ABCB5: variants seen among roughly 807,000 people sequenced by gnomAD.
The protein encoded by ABCB5 is ATP-binding cassette sub-family B member 5.
A neutral mutation model predicts 144.2 loss-of-function variants in ABCB5; 155 were observed. That is an observed-to-expected ratio of 1.08 (90% CI 0.94 to 1.23). The LOEUF is 1.23. Ranked by LOEUF, ABCB5 falls within the 50% of genes most tolerant of loss-of-function variation. ABCB5 has a pLI of 0.00. For synonymous variants in ABCB5, 610 were observed against 528.6 expected (o/e 1.15, Z -2.11); for missense variants, 1,830 against 1,520.8 (o/e 1.20, Z -3.38).
At chr7:20,641,210 G>C (rs1418503545) in intron 5 of ABCB5, among the ~76,000 whole-genome samples, 2 of 152,120 alleles carry the variant, frequency 1.3e-5, no homozygotes, top group Non-Finnish European at 2.9e-5. Flanking sequence ...ACATCTATAA[G>C]TGATACCCTC....
chr7:20,697,190 A>C (rs933123451), intron 16 of ABCB5, among the ~76,000 whole-genome samples: 4 of 152,226 alleles, frequency 2.6e-5, no homozygotes, highest in African/African-American at 4.8e-5. Flanking sequence ...ATTATTAAGT[A>C]ATCCAATATA....
At chr7:20,676,165 CAT>C (rs150159633) in intron 14 of ABCB5, among the ~76,000 whole-genome samples, 594 of 77,814 alleles carry the variant, frequency 7.6e-3, no homozygotes, top group Middle Eastern at 0.012. Flanking sequence ...TTCTACTACA[CAT>C]ACACACACAC....
At chr7:20,634,430 A>T (rs533934587) in intron 5 of ABCB5, among the ~76,000 whole-genome samples, 13 of 152,094 alleles carry the variant, frequency 8.5e-5, no homozygotes, top group African/African-American at 2.9e-4. Flanking sequence ...AACACTGCCA[A>T]ATTGAATGGT....
At chr7:20,656,780 C>G (rs1001341234) in intron 13 of ABCB5, among the ~76,000 whole-genome samples, 1 of 151,904 alleles carries the variant, frequency 6.6e-6, no homozygotes, top group Non-Finnish European at 1.5e-5. Context: ...AAAACATGAC[C>G]ACAAAAATAT....
At chr7:20,664,755 T>C (rs1405193501) in intron 14 of ABCB5, among the ~76,000 whole-genome samples, 1 of 152,174 alleles carries the variant, frequency 6.6e-6, no homozygotes, top group African/African-American at 2.4e-5. Flanking sequence ...TATTTTTTAT[T>C]GTAAATTTCT....
intron 5 of ABCB5, among the ~76,000 whole-genome samples, chr7:20,639,591 G>C (rs531727423): frequency 2.3e-4 from 35 of 152,098 alleles, no homozygotes; most frequent in Non-Finnish European, 4.6e-4. Flanking sequence ...AGAACCATTT[G>C]TTGAAAAAAC....
chr7:20,744,507 C>T (rs1456039098), intron 25 of ABCB5, among the ~76,000 whole-genome samples: 2 of 152,020 alleles, frequency 1.3e-5, no homozygotes, highest in African/African-American at 2.4e-5. Context: ...CTGCCTCAGT[C>T]GCTCTACCCT....
intron 14 of ABCB5, chr7:20,666,805 A>C (rs1405253112): frequency 6.3e-7 from 1 of 1,584,038 alleles, no homozygotes; most frequent in Non-Finnish European, 8.6e-7. Context: ...CACACTATCT[A>C]CGTTGAGGTA....
At chr7:20,733,712 C>T (rs1223305871) in intron 23 of ABCB5, among the ~76,000 whole-genome samples, 7 of 151,452 alleles carry the variant, frequency 4.6e-5, no homozygotes, top group Non-Finnish European at 8.8e-5. Flanking sequence ...GATCTCAGCT[C>T]GCCGCAAACT....
At chr7:20,668,633 G>C (rs1401229964) in intron 14 of ABCB5, among the ~76,000 whole-genome samples, 3 of 147,622 alleles carry the variant, frequency 2.0e-5, no homozygotes, top group Admixed American at 6.7e-5. Flanking sequence ...CGCCCCGTCC[G>C]GGAGGTGAGG....
intron 20 of ABCB5, among the ~76,000 whole-genome samples, chr7:20,714,183 T>G (rs932650108): frequency 2.6e-5 from 4 of 152,218 alleles, no homozygotes; most frequent in African/African-American, 9.6e-5. Flanking sequence ...GCAGAAATCC[T>G]ACCATATGGC....
chr7:20,688,461 A>T (rs1786080103), intron 16 of ABCB5, among the ~76,000 whole-genome samples: 1 of 152,184 alleles, frequency 6.6e-6, no homozygotes, highest in Admixed American at 6.5e-5. Flanking sequence ...TTAAAAAGTC[A>T]GGAAACAACA....
chr7:20,645,943 G>A lies in ABCB5; in HGVS notation c.804-18G>A. 6.2e-7 allele frequency: 1 copy of A among 1,612,650 alleles called. No homozygotes were observed. Among genetic ancestry groups the A allele is most frequent in the Non-Finnish European group, 8.5e-7 (1 of 1,179,372 alleles). ...TATTTTCCCCAGTGGCTACTAAGTT[G>A]TGTTCTGTTTTTGTAAGGTATACAC... is the stretch of plus-strand genomic sequence containing the variant. On this transcript the variant is annotated intron_variant, in intron 8 of 27. Transcript: ENST00000404938.
In ABCB5 at chr7:20,645,835, T is replaced by G. The variant is rs773640533; in HGVS notation, c.758T>G (p.Ile253Ser). The change falls in exon 8 of 28, where the codon ATC (isoleucine) becomes AGC (serine). Residue 253 changes from isoleucine to serine, a missense_variant. Coordinates refer to ENST00000404938, the MANE Select transcript of ABCB5 (RefSeq NM_001163941.2). ...GTGGCAGAAGAAGTCTTGTCATCAA[T>G]CCGAACAGTCATAGCCTTTAGGGCC... ...GAVAEEVLSSIRTVIAFRAQE... is the reference protein window; with the variant it reads ...GAVAEEVLSSSRTVIAFRAQE... 2 of 1,613,846 alleles carry G rather than the reference T, an allele frequency of 1.2e-6. No homozygotes were observed. The highest frequency in any genetic ancestry group is 1.7e-6 in the Non-Finnish European group (2 of 1,179,772).
At chr7:20,717,819 G>A (rs1781725662) in intron 20 of ABCB5, among the ~76,000 whole-genome samples, 1 of 132,968 alleles carries the variant, frequency 7.5e-6, no homozygotes, top group African/African-American at 2.8e-5. Context: ...AATTATCCCT[G>A]TATCTATAAT....
intron 20 of ABCB5, among the ~76,000 whole-genome samples, chr7:20,720,750 C>G (rs965091454): frequency 2.0e-5 from 3 of 151,816 alleles, no homozygotes; most frequent in African/African-American, 7.3e-5. Context: ...TCGAGACCAT[C>G]CTGGCTAACA....
At position 20,647,497 on chromosome 7, in the gene ABCB5, C is replaced by G. The variant is rs751721284; in HGVS notation, c.982-38C>G. Reference sequence around the variant, plus strand: ...ACATTCTATTGTCTTTCTTATATAACTGCAGAAAGATAAATATCACTTTGT... The same window carrying G: ...ACATTCTATTGTCTTTCTTATATAAGTGCAGAAAGATAAATATCACTTTGT... On this transcript the variant is annotated intron_variant, in intron 9 of 27. Coordinates refer to ENST00000404938, the MANE Select transcript of ABCB5 (RefSeq NM_001163941.2). 23 of 1,517,422 alleles carry G rather than the reference C, an allele frequency of 1.5e-5. No homozygotes were observed. In the East Asian group the frequency reaches 5.6e-4, roughly 37 times the overall value. The allele number at this position is 1,517,422 out of a possible 1,614,324, so 94.0% of individuals were successfully genotyped here. A position where few individuals can be genotyped will look rare whatever the true frequency, so the allele number is the denominator to read the frequency against.
chr7:20,641,341 T>C (rs1784290480), intron 5 of ABCB5, among the ~76,000 whole-genome samples: 1 of 109,256 alleles, frequency 9.2e-6, no homozygotes, highest in South Asian at 2.4e-4. Flanking sequence ...AAGATTATTT[T>C]ATTATTGCAA....
chr7:20,699,315 G>C (rs527920988), intron 17 of ABCB5, among the ~76,000 whole-genome samples: 1 of 152,098 alleles, frequency 6.6e-6, no homozygotes, highest in Non-Finnish European at 1.5e-5. Context: ...TTAAAAGCAA[G>C]TTATTTTTTA....
Sources: gnomAD v4.1 joint callset for allele counts (sites outside exome capture counted in the v4.1 genomes callset) on GRCh38, gnomAD v4.1.1 for gene constraint, MANE v1.5 for transcripts, NCBI Gene and HGNC (gene_info 2026-07-23, HGNC 2026-07-21) for gene names.